GSE1: variants seen among roughly 807,000 people sequenced by gnomAD.
The protein encoded by GSE1 is Gse1 coiled-coil protein.
A neutral mutation model predicts 112.6 loss-of-function variants in GSE1; 32 were observed. The ratio of observed to expected loss-of-function variants is 0.28; its 90% CI spans 0.21 to 0.38. The LOEUF (loss-of-function observed/expected upper bound fraction) is 0.38. GSE1 is among the 10% of genes least tolerant of loss of function. GSE1 has a pLI of 1.00. For missense variants in GSE1, 2,348 were observed against 1,699.2 expected (o/e 1.38, Z -6.71); for synonymous variants, 1,115 against 735.6 (o/e 1.52, Z -8.35).
At chr16:85,592,064 C>T (rs574355222) in intron 1 of GSE1, among the ~76,000 whole-genome samples, 7 of 152,344 alleles carry the variant, frequency 4.6e-5, no homozygotes, top group South Asian at 4.1e-4. Flanking sequence ...CCCCCCGCTC[C>T]CGTCAGTACA....
intron 1 of GSE1, among the ~76,000 whole-genome samples, chr16:85,317,095 C>G (rs989385514): frequency 6.6e-6 from 1 of 152,206 alleles, no homozygotes; most frequent in South Asian, 2.1e-4. Flanking sequence ...GTCTATTTAA[C>G]CATGAGCGTT....
chr16:85,182,663 A>G (rs946514893), intron 1 of GSE1, among the ~76,000 whole-genome samples: 1 of 152,146 alleles, frequency 6.6e-6, no homozygotes, highest in African/African-American at 2.4e-5. Context: ...TTGGCAGGTG[A>G]CAAGGTGAAC....
At chr16:85,403,960 G>A (rs151051954) in intron 2 of GSE1, among the ~76,000 whole-genome samples, 35 of 152,270 alleles carry the variant, frequency 2.3e-4, no homozygotes, top group African/African-American at 7.5e-4. Flanking sequence ...TCCAGGGCTT[G>A]TGGCCGCTCA....
chr16:85,211,313 T>C (rs1394716170), intron 1 of GSE1, among the ~76,000 whole-genome samples: 1 of 136,874 alleles, frequency 7.3e-6, no homozygotes, highest in Non-Finnish European at 1.6e-5. Context: ...TTTTTTTTTG[T>C]TTTTTTTTTT....
intron 14 of GSE1, among the ~76,000 whole-genome samples, chr16:85,670,309 C>A (rs913303713): frequency 6.6e-6 from 1 of 152,142 alleles, no homozygotes; most frequent in African/African-American, 2.4e-5. Flanking sequence ...TGGTGGGGCC[C>A]TTGTCTGTGA....
chr16:85,495,817 C>G (rs2151903059), intron 2 of GSE1, among the ~76,000 whole-genome samples: 1 of 152,130 alleles, frequency 6.6e-6, no homozygotes, highest in Non-Finnish European at 1.5e-5. Flanking sequence ...ACATTTTAAA[C>G]CCCTGCCAGG....
At chr16:85,438,170 C>G (rs2049296961) in intron 2 of GSE1, among the ~76,000 whole-genome samples, 1 of 152,164 alleles carries the variant, frequency 6.6e-6, no homozygotes, top group African/African-American at 2.4e-5. Context: ...CTGTGAGCCC[C>G]CACGGGGTAC....
chr16:85,314,874 C>G (rs1293730678), intron 1 of GSE1, among the ~76,000 whole-genome samples: 1 of 152,196 alleles, frequency 6.6e-6, no homozygotes, highest in Non-Finnish European at 1.5e-5. Flanking sequence ...ACCCTCCCAG[C>G]TAAGCATTCT....
intron 1 of GSE1, among the ~76,000 whole-genome samples, chr16:85,570,916 G>A (rs942135506): frequency 3.3e-5 from 5 of 152,240 alleles, no homozygotes; most frequent in Non-Finnish European, 7.3e-5. Context: ...GGCGCTTGGA[G>A]GATGGAAAGT....
chr16:85,602,638 A>G (rs73271239), intron 1 of GSE1, among the ~76,000 whole-genome samples: 4,824 of 152,140 alleles, frequency 0.032, 236 homozygotes, highest in African/African-American at 0.098. Flanking sequence ...TGGGGGCCTG[A>G]GGTGTAGGTG....
At chr16:85,279,454 A>G (rs1186930018) in intron 1 of GSE1, among the ~76,000 whole-genome samples, 3 of 151,954 alleles carry the variant, frequency 2.0e-5, no homozygotes, top group African/African-American at 4.8e-5. Flanking sequence ...AAAAAGTACA[A>G]AAATTAGCCA....
intron 2 of GSE1, among the ~76,000 whole-genome samples, chr16:85,644,190 C>G (rs1031913813): frequency 1.3e-5 from 2 of 152,074 alleles, no homozygotes; most frequent in Non-Finnish European, 2.9e-5. Flanking sequence ...AAACAAAAAA[C>G]TAGCCGGGCC....
chr16:85,444,231 G>A (rs1315700697), intron 2 of GSE1, among the ~76,000 whole-genome samples: 3 of 152,082 alleles, frequency 2.0e-5, no homozygotes, highest in African/African-American at 7.2e-5. Context: ...TGACCCTCCC[G>A]CCTCGGCCTC....
At chr16:85,302,673 A>C (rs1597339266) in intron 1 of GSE1, among the ~76,000 whole-genome samples, 1 of 152,292 alleles carries the variant, frequency 6.6e-6, no homozygotes, top group East Asian at 1.9e-4. Flanking sequence ...AAAAGAGCTG[A>C]TTGGGCCCAG....
chr16:85,639,955 AC>A (rs1168166416), intron 2 of GSE1, among the ~76,000 whole-genome samples: 5 of 151,290 alleles, frequency 3.3e-5, no homozygotes, highest in South Asian at 2.1e-4. Context: ...GGGACCAGGC[AC>A]CCCCTCCCTG....
chr16:85,233,596 T>C (rs1904319230), intron 1 of GSE1, among the ~76,000 whole-genome samples: 1 of 152,214 alleles, frequency 6.6e-6, no homozygotes, highest in South Asian at 2.1e-4. Flanking sequence ...CCACGTGGCG[T>C]CTGCATGTGT....
At position 85,233,265 on chromosome 16, in the gene GSE1, T is replaced by G. The variant is rs549369857; in HGVS notation, c.2283+61458T>G. ...CACTCATTCATTGCATCATTTCGTC[T>G]TCTTAATCAAATCACTATCCACCCA... is the stretch of plus-strand genomic sequence containing the variant. On this transcript the variant is annotated intron_variant, in intron 1 of 2. Coordinates refer to the GSE1 transcript ENST00000637419. Among the ~76,000 whole-genome samples the G allele has an allele frequency of 5.8e-4, 89 of 152,262 alleles. 1 individual carries two copies. Among genetic ancestry groups the G allele is most frequent in the Non-Finnish European group, 4.6e-4 (31 of 68,046 alleles).
intron 1 of GSE1, among the ~76,000 whole-genome samples, chr16:85,627,952 G>C (rs370415494): frequency 1.3e-5 from 2 of 152,332 alleles, no homozygotes; most frequent in Admixed American, 6.5e-5. Flanking sequence ...GGCCCGCATC[G>C]GTCTCCCTGG....
intron 1 of GSE1, among the ~76,000 whole-genome samples, chr16:85,574,179 G>C (rs939619952): frequency 6.6e-6 from 1 of 152,210 alleles, no homozygotes; most frequent in Non-Finnish European, 1.5e-5. Context: ...TTGTGGGAGA[G>C]AAAGGAAGCC....
Sources: allele counts gnomAD v4.1 joint callset (sites outside exome capture counted in the v4.1 genomes callset), GRCh38; gene constraint gnomAD v4.1.1; transcripts MANE v1.5; gene names NCBI Gene and HGNC (gene_info 2026-07-23, HGNC 2026-07-21).